The following BMPR1A variants were observed in gnomAD, a reference collection of about 807,000 sequenced individuals.
BMPR1A encodes bone morphogenetic protein receptor type 1A, also known as bone morphogenetic protein receptor type-1A.
BMPR1A carries 7 observed loss-of-function variants against 66.0 expected under a neutral mutation model. The ratio of observed to expected loss-of-function variants is 0.11; its 90% confidence interval spans 0.06 to 0.20. The LOEUF (loss-of-function observed/expected upper bound fraction) is 0.20, where lower values mean the gene tolerates loss of function less well. Among genes scored for constraint, BMPR1A ranks in the 10% least tolerant of loss-of-function variants. The pLI, the probability that BMPR1A is intolerant of heterozygous loss-of-function variation, is 1.00. For missense variants in BMPR1A, 408 were observed against 669.1 expected (o/e 0.61, Z 4.31); for synonymous variants, 200 against 229.7 (o/e 0.87, Z 1.17).
chr10:86,843,435 A>G (rs1564701063), intron 2 of BMPR1A: 2 of 152,230 alleles, frequency 1.3e-5, no homozygotes, highest in African/African-American at 2.4e-5. Context: ...CTATTAAACT[A>G]TGTGGCAGCA....
chr10:86,909,133 A>T (rs1843439718), intron 7 of BMPR1A, among the ~76,000 whole-genome samples: 1 of 152,222 alleles, frequency 6.6e-6, no homozygotes, highest in Non-Finnish European at 1.5e-5. Context: ...ATGTTGAGCT[A>T]AACAAATAAT....
At chr10:86,773,548 AC>A (rs1841298551) in intron 1 of BMPR1A, among the ~76,000 whole-genome samples, 2 of 149,032 alleles carry the variant, frequency 1.3e-5, no homozygotes, top group South Asian at 4.4e-4. Flanking sequence ...AGCCGAGATC[AC>A]GCCACTGCAT....
At chr10:86,779,595 C>G (rs1841404952) in intron 1 of BMPR1A, among the ~76,000 whole-genome samples, 1 of 152,068 alleles carries the variant, frequency 6.6e-6, no homozygotes, top group East Asian at 1.9e-4. Context: ...ATGATTAGTG[C>G]TGTTGAGCTT....
At chr10:86,783,307 C>A (rs891589030) in intron 1 of BMPR1A, among the ~76,000 whole-genome samples, 1 of 152,164 alleles carries the variant, frequency 6.6e-6, no homozygotes. Context: ...TGTTCTTAAT[C>A]AAGGTTGTTT....
In BMPR1A at chr10:86,790,410, A is replaced by G. The variant is rs534010752; in HGVS notation, c.-268+33491A>G. ...CAGATTAGCAGTTCCTCAAAAAGCT[A>G]AATGTTGAGTTTCCATATGATCCAG... On this transcript the variant is annotated intron_variant, in intron 1 of 12. Coordinates refer to ENST00000372037, the MANE Select transcript of BMPR1A (RefSeq NM_004329.3). 7.2e-5 allele frequency among the ~76,000 whole-genome samples: 11 copies of G among 151,778 alleles called. No homozygotes were observed. In the South Asian group the frequency reaches 2.3e-3, roughly 32 times the overall value.
chr10:86,864,211 C>T (rs1842749857), intron 2 of BMPR1A, among the ~76,000 whole-genome samples: 2 of 152,216 alleles, frequency 1.3e-5, no homozygotes, highest in Non-Finnish European at 2.9e-5. Flanking sequence ...TAGACAGGCA[C>T]ATGCACACTA....
intron 1 of BMPR1A, among the ~76,000 whole-genome samples, chr10:86,758,006 G>A (rs1194349338): frequency 6.6e-6 from 1 of 152,208 alleles, no homozygotes; most frequent in East Asian, 1.9e-4. Flanking sequence ...CTTGTGAGAG[G>A]AGTTAAACTT....
intron 10 of BMPR1A, among the ~76,000 whole-genome samples, chr10:86,920,279 A>C (rs921059270): frequency 1.3e-5 from 2 of 152,190 alleles, no homozygotes; most frequent in African/African-American, 4.8e-5. Context: ...GGTATGTTGC[A>C]TATTATTTCT....
chr10:86,758,223 A>T (rs1169136705), intron 1 of BMPR1A, among the ~76,000 whole-genome samples: 1 of 151,976 alleles, frequency 6.6e-6, no homozygotes, highest in East Asian at 1.9e-4. Flanking sequence ...TTTTTCCTCC[A>T]TTTTCCGTGG....
chr10:86,770,975 C>G (rs1249140266), intron 1 of BMPR1A, among the ~76,000 whole-genome samples: 1 of 152,118 alleles, frequency 6.6e-6, no homozygotes, highest in African/African-American at 2.4e-5. Flanking sequence ...ACACCAAATC[C>G]CATTCTCTTT....
chr10:86,803,175 C>A (rs73348022), intron 1 of BMPR1A, among the ~76,000 whole-genome samples: 2,525 of 152,094 alleles, frequency 0.017, 75 homozygotes, highest in African/African-American at 0.058. Flanking sequence ...AATTCTAAAG[C>A]ACAACATAAT....
At chr10:86,811,566 C>G (rs1370265915) in intron 1 of BMPR1A, among the ~76,000 whole-genome samples, 1 of 152,132 alleles carries the variant, frequency 6.6e-6, no homozygotes, top group Non-Finnish European at 1.5e-5. Context: ...CAGCTTCTCT[C>G]TGTCTCTGTA....
intron 1 of BMPR1A, among the ~76,000 whole-genome samples, chr10:86,770,160 G>A (rs1434057885): frequency 2.6e-5 from 4 of 152,186 alleles, no homozygotes; most frequent in Admixed American, 2.6e-4. Context: ...GCGTGGTGGC[G>A]GGCGCCTGTG....
At chr10:86,856,308 A>G in intron 2 of BMPR1A, 3 of 477,186 alleles carry the variant, frequency 6.3e-6, no homozygotes, top group Admixed American at 2.3e-5. Context: ...GAATGGTGGG[A>G]GCCCTGGCCC....
intron 2 of BMPR1A, chr10:86,854,817 C>G: frequency 4.0e-6 from 1 of 252,812 alleles, no homozygotes; most frequent in Non-Finnish European, 8.3e-6. Flanking sequence ...GGTTTAATGG[C>G]TGTATCTGAG....
At chr10:86,841,659 T>C (rs1842425154) in intron 2 of BMPR1A, among the ~76,000 whole-genome samples, 2 of 152,232 alleles carry the variant, frequency 1.3e-5, no homozygotes. Context: ...TGATGTCTTT[T>C]TGTATGCTAA....
At chr10:86,767,781 C>T (rs192148944) in intron 1 of BMPR1A, among the ~76,000 whole-genome samples, 1 of 152,210 alleles carries the variant, frequency 6.6e-6, no homozygotes, top group African/African-American at 2.4e-5. Flanking sequence ...CCAAAGAACT[C>T]AATTGTCATA....
chr10:86,837,359 T>C (rs1842368805), intron 1 of BMPR1A, among the ~76,000 whole-genome samples: 1 of 151,934 alleles, frequency 6.6e-6, no homozygotes, highest in Non-Finnish European at 1.5e-5. Flanking sequence ...CATGAGCCAC[T>C]GCACCTGGCC....
At chr10:86,921,417 G>A in intron 10 of BMPR1A, 103 bp from the exon 11 acceptor site, 1 of 1,448,914 alleles carries the variant, frequency 6.9e-7, no homozygotes, top group Non-Finnish European at 9.6e-7. Context: ...AATGCATCTG[G>A]CCCCAAGGAG....
Sources: gnomAD v4.1 joint callset for allele counts (sites outside exome capture counted in the v4.1 genomes callset) on GRCh38, gnomAD v4.1.1 for gene constraint, MANE v1.5 for transcripts, NCBI Gene and HGNC (gene_info 2026-07-23, HGNC 2026-07-21) for gene names.